EEF1AKMT2: variants seen among roughly 807,000 people sequenced by gnomAD.
EEF1AKMT2 encodes EEF1A lysine methyltransferase 2, also known as eukaryotic translation elongation factor 1 alpha lysine methyltransferase 2.
EEF1AKMT2 carries 32 observed loss-of-function variants against 35.8 expected under a neutral mutation model. The ratio of observed to expected loss-of-function variants is 0.89; its 90% CI spans 0.67 to 1.20. EEF1AKMT2 has a LOEUF of 1.20. EEF1AKMT2 is among the 50% of genes most tolerant of loss of function. The pLI, the probability that EEF1AKMT2 is intolerant of heterozygous loss-of-function variation, is 0.00. For missense variants in EEF1AKMT2, 330 were observed against 347.5 expected (o/e 0.95, Z 0.40); for synonymous variants, 121 against 133.7 (o/e 0.91, Z 0.65).
In EEF1AKMT2 at chr10:124,762,305, T is replaced by C; in HGVS notation, c.870A>G (p.Ala290=). The change falls in exon 6 of 7, where the codon GCA becomes GCG. Residue 290 remains alanine (A), a synonymous_variant. Coordinates refer to ENST00000368836, the MANE Select transcript of EEF1AKMT2 (RefSeq NM_212554.4). ...LGLYHARPSL[A]F ...AAAGCTGGAAGGTCACTTACTAAAA[T>C]GCCAACGAGGGCCTGGCATGGTATA... The C allele has an allele frequency of 1.9e-6, 2 of 1,072,406 alleles. No individual in the cohort carries two copies. The highest frequency in any genetic ancestry group is 2.9e-5 in the South Asian group (1 of 34,698). 66.4% of individuals were successfully genotyped at this position (1,072,406 alleles called of 1,614,324 possible). A position where few individuals can be genotyped will look rare whatever the true frequency, so the allele number is the denominator to read the frequency against.
chr10:124,764,068 A>T (rs1950355827), intron 5 of EEF1AKMT2, among the ~76,000 whole-genome samples: 1 of 152,184 alleles, frequency 6.6e-6, no homozygotes, highest in East Asian at 1.9e-4. Flanking sequence ...AAGGACATGT[A>T]TTAAGTGTTC....
At chr10:124,788,708 C>CTTTATATATATATATATATATATATA (rs1554920476) in intron 3 of EEF1AKMT2, among the ~76,000 whole-genome samples, 1 of 35,960 alleles carries the variant, frequency 2.8e-5, no homozygotes, top group African/African-American at 7.8e-5. Flanking sequence ...AAAAGGTCAT[C>CTTTATATATATATATATATATATATA]TTTATATATA....
rs1273043066 is a variant in EEF1AKMT2 at position 124,779,562 on chromosome 10, C to G, written c.292-4780G>C. Reference sequence around the variant, plus strand: ...GAGATCGAGACCATCCTGGCTAACACAGTGAAACCCCGTCTCTACTAAAAA... The same window carrying G: ...GAGATCGAGACCATCCTGGCTAACAGAGTGAAACCCCGTCTCTACTAAAAA... On this transcript the variant is annotated intron_variant, in intron 3 of 6. Coordinates refer to ENST00000368836, the MANE Select transcript of EEF1AKMT2 (RefSeq NM_212554.4). 1.0e-3 allele frequency among the ~76,000 whole-genome samples: 138 copies of G among 136,462 alleles called. No homozygotes were observed. The Middle Eastern group carries it at 0.016, about 16-fold the overall frequency. The allele number at this position is 136,462 out of a possible 152,430, so 89.5% of individuals were successfully genotyped here. A position where few individuals can be genotyped will look rare whatever the true frequency, so the allele number is the denominator to read the frequency against.
chr10:124,769,608 G>T (rs1950411186), intron 4 of EEF1AKMT2, among the ~76,000 whole-genome samples: 1 of 152,142 alleles, frequency 6.6e-6, no homozygotes, highest in African/African-American at 2.4e-5. Flanking sequence ...TGTTTACACT[G>T]TATTACAGTC....
chr10:124,767,967 C>A (rs967141755), intron 4 of EEF1AKMT2, among the ~76,000 whole-genome samples: 1 of 152,188 alleles, frequency 6.6e-6, no homozygotes, highest in African/African-American at 2.4e-5. Context: ...GCCTGGGCAA[C>A]AAGAGTGAAA....
chr10:124,786,798 A>G (rs1434548794), intron 3 of EEF1AKMT2, among the ~76,000 whole-genome samples: 1 of 152,080 alleles, frequency 6.6e-6, no homozygotes, highest in Non-Finnish European at 1.5e-5. Context: ...CTACAGAGTG[A>G]AACTCCATCT....
intron 4 of EEF1AKMT2, among the ~76,000 whole-genome samples, chr10:124,771,765 A>C (rs1262753979): frequency 2.0e-5 from 3 of 152,010 alleles, no homozygotes; most frequent in Non-Finnish European, 4.4e-5. Context: ...GCTACTTGGG[A>C]GGCTGAGGCA....
rs1429202669 is a variant in EEF1AKMT2 at position 124,783,636 on chromosome 10, T to C, written c.291+5407A>G. On this transcript the variant is annotated intron_variant, in intron 3 of 6. Transcript: ENST00000368836. ...TGAAAACATATGTACACACAAAAACTTACATATGAATTTTCCTTTGTTTTT... is the reference window on the plus strand; with the variant it reads ...TGAAAACATATGTACACACAAAAACCTACATATGAATTTTCCTTTGTTTTT... Among the ~76,000 whole-genome samples, 5 of 151,876 alleles carry C rather than the reference T, an allele frequency of 3.3e-5. No individual in the cohort carries two copies. In the East Asian group the frequency reaches 7.8e-4, roughly 24 times the overall value.
chr10:124,788,377 T>C lies in EEF1AKMT2; in HGVS notation c.291+666A>G, dbSNP rs186384321. 6.0e-3 allele frequency among the ~76,000 whole-genome samples: 912 copies of C among 152,268 alleles called. 11 individuals are homozygous for C. The highest frequency in any genetic ancestry group is 0.027 in the Middle Eastern group (8 of 294). On this transcript the variant is annotated intron_variant, in intron 3 of 6. Transcript: ENST00000368836. ...TATGTCAGTCCATACTCTATTGTAA[T>C]GTAAACAATTCAAGCACAAAGTCTA...
chr10:124,782,154 A>G (rs866457162), intron 3 of EEF1AKMT2, among the ~76,000 whole-genome samples: 1 of 152,340 alleles, frequency 6.6e-6, no homozygotes, highest in Middle Eastern at 3.4e-3. Context: ...ATACTAACAA[A>G]TGTTCAAATA....
chr10:124,777,202 C>A (rs1950494425), intron 3 of EEF1AKMT2, among the ~76,000 whole-genome samples: 1 of 151,372 alleles, frequency 6.6e-6, no homozygotes, highest in Admixed American at 6.6e-5. Context: ...TTGCTTGAAC[C>A]CAGGAGGTGG....
chr10:124,760,481 T>C lies in EEF1AKMT2; in HGVS notation c.*22A>G, dbSNP rs1285743023. The C allele has an allele frequency of 1.9e-6, 3 of 1,613,878 alleles. No individual in the cohort carries two copies. Among genetic ancestry groups the C allele is most frequent in the East Asian group, 2.2e-5 (1 of 44,874 alleles). ...CTCCAAAGCTGAACTTGGGTGTTGG[T>C]AGCTCTTCGAGAAGTTCAAATCCTG... On this transcript the variant is annotated 3_prime_UTR_variant, in exon 7 of 7. Coordinates refer to ENST00000368836, the MANE Select transcript of EEF1AKMT2 (RefSeq NM_212554.4).
At chr10:124,790,427 T>C in intron 1 of EEF1AKMT2, 89 bp from the exon 2 acceptor site, 1 of 937,300 alleles carries the variant, frequency 1.1e-6, no homozygotes. Flanking sequence ...ACAGAGCTAT[T>C]TATGACAGAG....
At chr10:124,765,633 T>A (rs766867852) in intron 4 of EEF1AKMT2, 25 bp from the exon 5 acceptor site, 1 of 1,565,290 alleles carries the variant, frequency 6.4e-7, no homozygotes, top group South Asian at 1.1e-5. Flanking sequence ...AATGTCTATG[T>A]GAGAACAATT....
Position 124,783,953 on chromosome 10 carries a change from T to C in EEF1AKMT2, c.291+5090A>G, listed in dbSNP as rs1950564155. Among the ~76,000 whole-genome samples, 3 of 152,132 alleles carry C rather than the reference T, an allele frequency of 2.0e-5. No homozygotes were observed. The South Asian group carries it at 6.2e-4, about 31-fold the overall frequency. On this transcript the variant is annotated intron_variant, in intron 3 of 6. Transcript: ENST00000368836. The stretch of plus-strand genomic sequence containing the variant: ...GATTCTCCTGCTTCAGCCTCCCGAG[T>C]AGCTGGGATTACAGGCATGCACCAC...
chr10:124,763,918 C>G (rs1950354311), intron 5 of EEF1AKMT2, among the ~76,000 whole-genome samples: 1 of 152,034 alleles, frequency 6.6e-6, no homozygotes, highest in South Asian at 2.1e-4. Flanking sequence ...AAATAAATGG[C>G]ATGAAAGAAA....
At chr10:124,768,561 G>A (rs759542467) in intron 4 of EEF1AKMT2, among the ~76,000 whole-genome samples, 1 of 152,030 alleles carries the variant, frequency 6.6e-6, no homozygotes, top group Non-Finnish European at 1.5e-5. Flanking sequence ...CCTGAGCGAC[G>A]TGCTGAAATC....
intron 4 of EEF1AKMT2, among the ~76,000 whole-genome samples, chr10:124,769,124 G>A (rs906941450): frequency 6.8e-6 from 1 of 148,078 alleles, no homozygotes; most frequent in African/African-American, 2.5e-5. Flanking sequence ...AGGCTTTGGT[G>A]GAAGAATCAC....
chr10:124,774,000 A>G (rs759384551), intron 4 of EEF1AKMT2, among the ~76,000 whole-genome samples: 8 of 152,202 alleles, frequency 5.3e-5, no homozygotes, highest in African/African-American at 1.7e-4. Flanking sequence ...AGGAATCATC[A>G]TCTCACAGAT....
Sources: allele counts gnomAD v4.1 joint callset (sites outside exome capture counted in the v4.1 genomes callset), GRCh38; gene constraint gnomAD v4.1.1; transcripts MANE v1.5; gene names NCBI Gene and HGNC (gene_info 2026-07-23, HGNC 2026-07-21).